The following IMMP2L variants were observed in gnomAD, a reference collection of about 807,000 sequenced individuals.
The protein encoded by IMMP2L is inner mitochondrial membrane peptidase subunit 2.
Under a neutral mutation model 19.3 loss-of-function variants are expected in IMMP2L, and 18 were observed. The ratio of observed to expected loss-of-function variants is 0.93; its 90% CI spans 0.64 to 1.38. The LOEUF is 1.38. Ranked by LOEUF, IMMP2L falls within the 40% of genes most tolerant of loss-of-function variation. The probability of loss-of-function intolerance (pLI) is 0.00; values close to 1 mark genes in which losing one functional copy is unlikely to be tolerated. For synonymous variants in IMMP2L, 76 were observed against 73.0 expected, an observed-to-expected ratio of 1.04 and a Z score of -0.21; for missense variants, 233 against 218.2, an observed-to-expected ratio of 1.07 and a Z score of -0.43.
At chr7:111,062,613 T>C (rs1468631538) in intron 3 of IMMP2L, among the ~76,000 whole-genome samples, 3 of 152,224 alleles carry the variant, frequency 2.0e-5, no homozygotes, top group African/African-American at 7.2e-5. Flanking sequence ...CTTCTGCCTA[T>C]GAGCCTGTAA....
rs1416412974 is a variant in IMMP2L, at chr7:110,728,678, A to G, written c.409-64957T>C. 6.6e-6 allele frequency among the ~76,000 whole-genome samples: 1 copy of G among 152,144 alleles called. No individual in the cohort carries two copies. The highest frequency in any genetic ancestry group is 1.9e-4 in the East Asian group (1 of 5,178). ...CACTGATCCCCCTCCTATGCAAAGG[A>G]CAGTAATAAGTCCAGTCTCAAAAAA... On this transcript the variant is annotated intron_variant, in intron 5 of 5. Coordinates refer to ENST00000405709, the MANE Select transcript of IMMP2L (RefSeq NM_032549.4). The surrounding 1 kb of genome is among the most constrained non-coding windows in gnomAD (Gnocchi z 4.6).
intron 3 of IMMP2L, among the ~76,000 whole-genome samples, chr7:111,063,969 C>G (rs1356774686): frequency 3.3e-5 from 5 of 152,178 alleles, no homozygotes; most frequent in Non-Finnish European, 7.3e-5. Flanking sequence ...TTACCCAGTT[C>G]CAAAGTCGCT....
At chr7:111,016,964 T>A (rs1825766880) in intron 3 of IMMP2L, among the ~76,000 whole-genome samples, 1 of 121,398 alleles carries the variant, frequency 8.2e-6, no homozygotes, top group African/African-American at 3.2e-5. Flanking sequence ...TATAATTATA[T>A]GTATAATTAT....
chr7:111,319,465 G>A (rs534141723), intron 3 of IMMP2L, among the ~76,000 whole-genome samples: 2 of 152,166 alleles, frequency 1.3e-5, no homozygotes, highest in East Asian at 3.9e-4. Flanking sequence ...CCTTTTGGCT[G>A]GTGAGATGGT....
intron 3 of IMMP2L, among the ~76,000 whole-genome samples, chr7:111,137,906 C>A (rs1009862956): frequency 2.0e-5 from 3 of 152,212 alleles, no homozygotes; most frequent in African/African-American, 4.8e-5. Context: ...CTCCCTGCAA[C>A]CTCTGCTTCC....
chr7:111,526,580 C>T (rs1846882001), intron 1 of IMMP2L, among the ~76,000 whole-genome samples: 1 of 152,160 alleles, frequency 6.6e-6, no homozygotes, highest in South Asian at 2.1e-4. Context: ...ACAAACCACA[C>T]TCTCACCCCA....
At chr7:111,330,030 A>G (rs1825722667) in intron 3 of IMMP2L, among the ~76,000 whole-genome samples, 1 of 151,908 alleles carries the variant, frequency 6.6e-6, no homozygotes, top group Admixed American at 6.6e-5. Context: ...AAACTAATAA[A>G]TATCCATAAA....
intron 3 of IMMP2L, among the ~76,000 whole-genome samples, chr7:111,465,501 TAAAAAAAAAAAA>T (rs757362734): frequency 3.1e-5 from 2 of 64,288 alleles, no homozygotes; most frequent in Non-Finnish European, 6.5e-5. Context: ...CAGGTGTCAC[TAAAAAAAAAAAA>T]AAAAAAAAAA....
intron 3 of IMMP2L, among the ~76,000 whole-genome samples, chr7:111,096,435 G>A (rs1223580488): frequency 4.0e-5 from 6 of 151,238 alleles, no homozygotes; most frequent in Admixed American, 4.0e-4. Flanking sequence ...CACTATATCT[G>A]GATAGATTCT....
At chr7:110,963,627 A>C in intron 3 of IMMP2L, 62 bp from the exon 4 acceptor site, 1 of 1,041,356 alleles carries the variant, frequency 9.6e-7, no homozygotes, top group African/African-American at 1.6e-5. Context: ...GAAGATGAAA[A>C]GAAATTCTAT....
intron 5 of IMMP2L, among the ~76,000 whole-genome samples, chr7:110,726,294 C>CT (rs2130792881): frequency 6.6e-6 from 1 of 152,294 alleles, no homozygotes; most frequent in South Asian, 2.1e-4. Flanking sequence ...TATAACACTC[C>CT]TTTCTTCCCA....
At chr7:111,271,465 G>A (rs1818462950) in intron 3 of IMMP2L, among the ~76,000 whole-genome samples, 1 of 152,150 alleles carries the variant, frequency 6.6e-6, no homozygotes, top group African/African-American at 2.4e-5. Context: ...GTATTTCACT[G>A]CTTTGGCCAG....
intron 3 of IMMP2L, among the ~76,000 whole-genome samples, chr7:111,214,785 TA>T (rs983194626): frequency 1.9e-3 from 256 of 134,704 alleles, no homozygotes; most frequent in East Asian, 7.1e-3. Flanking sequence ...CATAACCATG[TA>T]AAAAAAAAAA....
At chr7:111,549,327 G>A (rs754048621) in intron 1 of IMMP2L, among the ~76,000 whole-genome samples, 7 of 152,134 alleles carry the variant, frequency 4.6e-5, no homozygotes, top group Non-Finnish European at 7.4e-5. Flanking sequence ...AACCCATGAA[G>A]TATGTGTTAT....
chr7:110,958,014 G>A (rs1428983006), intron 4 of IMMP2L, among the ~76,000 whole-genome samples: 3 of 151,834 alleles, frequency 2.0e-5, no homozygotes, highest in African/African-American at 4.8e-5. Flanking sequence ...ACGTCTCTCC[G>A]GTATCTAGAC....
intron 4 of IMMP2L, among the ~76,000 whole-genome samples, chr7:110,948,446 C>T (rs1424458216): frequency 1.3e-5 from 2 of 152,078 alleles, no homozygotes; most frequent in Non-Finnish European, 2.9e-5. Context: ...TTGGTTTGGT[C>T]CAGCACAGTC....
At chr7:110,992,091 C>T (rs1822536282) in intron 3 of IMMP2L, among the ~76,000 whole-genome samples, 1 of 152,120 alleles carries the variant, frequency 6.6e-6, no homozygotes, top group African/African-American at 2.4e-5. Context: ...AATTATAATA[C>T]ATGCTACAAT....
In IMMP2L at chr7:111,298,805, A is replaced by G. The variant is rs563161154; in HGVS notation, c.239+188433T>C. On this transcript the variant is annotated intron_variant, in intron 3 of 5. Coordinates refer to ENST00000405709, the MANE Select transcript of IMMP2L (RefSeq NM_032549.4). ...ATCTTTTTTTCAAGGATATACATAT[A>G]TCTAAATAAGGTGATGGAGAGGAAA... Among the ~76,000 whole-genome samples the G allele has an allele frequency of 1.8e-4, 27 of 152,088 alleles. 1 individual carries two copies. The highest frequency in any genetic ancestry group is 6.3e-4 in the African/African-American group (26 of 41,550).
intron 3 of IMMP2L, among the ~76,000 whole-genome samples, chr7:111,191,827 C>T (rs1271120828): frequency 6.6e-6 from 1 of 152,076 alleles, no homozygotes; most frequent in African/African-American, 2.4e-5. Context: ...CCATCCTAAT[C>T]ATCCATTGCT....
Sources: allele counts gnomAD v4.1 joint callset (sites outside exome capture counted in the v4.1 genomes callset), GRCh38; gene constraint gnomAD v4.1.1; non-coding constraint Gnocchi (gnomAD v3.1); transcripts MANE v1.5; gene names NCBI Gene and HGNC (gene_info 2026-07-23, HGNC 2026-07-21).